The following ENPP1 variants were observed in gnomAD, a reference collection of about 807,000 sequenced individuals.
ENPP1 encodes ectonucleotide pyrophosphatase/phosphodiesterase family member 1.
In ENPP1, 73 loss-of-function variants were observed where a neutral mutation model predicts 122.8. That is an observed-to-expected ratio of 0.59 (90% CI 0.49 to 0.72). The LOEUF (loss-of-function observed/expected upper bound fraction) is 0.72. Among genes scored for constraint, ENPP1 ranks in the 30% least tolerant of loss-of-function variants. The pLI, the probability that ENPP1 is intolerant of heterozygous loss-of-function variation, is 0.00. For synonymous variants in ENPP1, 367 were observed against 391.6 expected, an observed-to-expected ratio of 0.94 and a Z score of 0.74; for missense variants, 978 against 1,128.1, an observed-to-expected ratio of 0.87 and a Z score of 1.91.
chr6:131,887,011 G>T (rs1782389104), intron 24 of ENPP1, among the ~76,000 whole-genome samples: 1 of 142,282 alleles, frequency 7.0e-6, no homozygotes. Context: ...TGATCCTCCT[G>T]TCTTGGCCTC....
At chr6:131,821,364 A>G (rs1375001946) in intron 1 of ENPP1, among the ~76,000 whole-genome samples, 1 of 152,230 alleles carries the variant, frequency 6.6e-6, no homozygotes, top group Non-Finnish European at 1.5e-5. Flanking sequence ...AACCTAAAAC[A>G]AAATGAAAAA....
At chr6:131,827,126 G>T in intron 1 of ENPP1, 1 of 709,862 alleles carries the variant, frequency 1.4e-6, no homozygotes, top group South Asian at 1.4e-5. Context: ...TTGTCTGGAA[G>T]ACTGTTGAGC....
intron 21 of ENPP1, 40 bp downstream of exon 21, chr6:131,882,514 T>A (rs910046328): frequency 1.3e-6 from 2 of 1,521,364 alleles, no homozygotes; most frequent in East Asian, 2.5e-5. Flanking sequence ...TTTCTCCTTT[T>A]TGTTTTCTTT....
chr6:131,883,466 T>C (rs924662568), intron 21 of ENPP1, among the ~76,000 whole-genome samples: 10 of 152,234 alleles, frequency 6.6e-5, no homozygotes, highest in Admixed American at 2.6e-4. Flanking sequence ...TATTAAAGTT[T>C]ATGTTTCGTT....
At chr6:131,884,034 A>G (rs1202790578) in intron 22 of ENPP1, among the ~76,000 whole-genome samples, 2 of 152,236 alleles carry the variant, frequency 1.3e-5, no homozygotes, top group Non-Finnish European at 2.9e-5. Context: ...CAGCTAATAC[A>G]GTCTGCTAAC....
chr6:131,841,478 T>C (rs1781740354), intron 1 of ENPP1, among the ~76,000 whole-genome samples: 1 of 152,208 alleles, frequency 6.6e-6, no homozygotes, highest in African/African-American at 2.4e-5. Context: ...AACAAAATTT[T>C]GTGTGTATAT....
intron 5 of ENPP1, among the ~76,000 whole-genome samples, chr6:131,854,186 C>T (rs1387653593): frequency 1.3e-5 from 2 of 152,082 alleles, no homozygotes; most frequent in Non-Finnish European, 2.9e-5. Flanking sequence ...GGGAAGATTG[C>T]TTGAGCCTAG....
chr6:131,850,874 A>G (rs941493248), intron 3 of ENPP1, among the ~76,000 whole-genome samples: 13 of 152,250 alleles, frequency 8.5e-5, no homozygotes, highest in African/African-American at 3.1e-4. Flanking sequence ...AGCCAGGTCT[A>G]CATATGAATT....
rs879243445 is a variant in ENPP1 at position 131,847,856 on chromosome 6, G to GTTGTGTGT, written c.313+8_313+9insTTGTGTGT. On this transcript the variant is annotated intron_variant, in intron 2 of 24. Transcript: ENST00000647893. ...CAAGCTGTGCCAAAGAAGGTAATTA[G>GTTGTGTGT]GTGTGTGTGTGTGTGTGTGTGTGTG... The GTTGTGTGT allele has an allele frequency of 9.6e-4, 1,133 of 1,181,830 alleles. 14 individuals are homozygous for GTTGTGTGT. The South Asian group carries it at 0.014, about 15-fold the overall frequency. The allele number at this position is 1,181,830 out of a possible 1,614,324, so 73.2% of individuals were successfully genotyped here.
chr6:131,820,769 A>G (rs1230941175), intron 1 of ENPP1: 1 of 152,260 alleles, frequency 6.6e-6, no homozygotes, highest in Non-Finnish European at 1.5e-5. Context: ...CACAAAATCA[A>G]TAATTCTGTT....
At chr6:131,867,038 A>C (rs1339975411) in intron 11 of ENPP1, among the ~76,000 whole-genome samples, 1 of 152,192 alleles carries the variant, frequency 6.6e-6, no homozygotes, top group African/African-American at 2.4e-5. Flanking sequence ...TGCTTTTCTG[A>C]GTCATCTTCA....
chr6:131,828,055 G>T (rs1440472028), intron 1 of ENPP1: 1 of 653,730 alleles, frequency 1.5e-6, no homozygotes, highest in Non-Finnish European at 2.9e-6. Context: ...CCAGGTAGGG[G>T]AAGAACGTTG....
At chr6:131,873,382 C>T (rs143028452) in intron 15 of ENPP1, among the ~76,000 whole-genome samples, 19 of 152,242 alleles carry the variant, frequency 1.2e-4, no homozygotes, top group East Asian at 1.2e-3. Context: ...CCCAGACCAT[C>T]CTTGGCTAAG....
intron 1 of ENPP1, among the ~76,000 whole-genome samples, chr6:131,845,139 A>C (rs543604742): frequency 7.4e-6 from 1 of 134,244 alleles, no homozygotes; most frequent in African/African-American, 2.9e-5. Context: ...GCTCACTGCA[A>C]CCTCTGCCTC....
intron 1 of ENPP1, among the ~76,000 whole-genome samples, chr6:131,821,520 G>C (rs1781484314): frequency 6.6e-6 from 1 of 152,132 alleles, no homozygotes; most frequent in African/African-American, 2.4e-5. Flanking sequence ...ACAGAACATG[G>C]CACAGTCTCC....
intron 6 of ENPP1, 58 bp from the exon 7 acceptor site, chr6:131,858,610 T>C: frequency 8.8e-7 from 1 of 1,134,962 alleles, no homozygotes; most frequent in Non-Finnish European, 1.3e-6. Context: ...CACTGCTAAA[T>C]GAGGTAAGCC....
chr6:131,859,033 G>A (rs750796293), intron 7 of ENPP1, among the ~76,000 whole-genome samples: 2 of 152,046 alleles, frequency 1.3e-5, no homozygotes, highest in Non-Finnish European at 2.9e-5. Flanking sequence ...TCTGATTCTT[G>A]TATCCTAGTT....
intron 1 of ENPP1, among the ~76,000 whole-genome samples, chr6:131,832,966 T>C (rs1781632499): frequency 6.6e-6 from 1 of 152,266 alleles, no homozygotes; most frequent in African/African-American, 2.4e-5. Flanking sequence ...GCTCCATGAT[T>C]TATAAACAGA....
intron 1 of ENPP1, among the ~76,000 whole-genome samples, chr6:131,830,666 A>G (rs936540743): frequency 3.9e-5 from 6 of 152,240 alleles, no homozygotes; most frequent in African/African-American, 1.4e-4. Context: ...AAATTAAAAT[A>G]TGTATATTTT....
Sources: allele counts gnomAD v4.1 joint callset (sites outside exome capture counted in the v4.1 genomes callset), GRCh38; gene constraint gnomAD v4.1.1; transcripts MANE v1.5; gene names NCBI Gene and HGNC (gene_info 2026-07-23, HGNC 2026-07-21).